The following SLC24A2 variants were observed in gnomAD, a reference collection of about 807,000 sequenced individuals.
SLC24A2 encodes the protein solute carrier family 24 member 2, also known as sodium/potassium/calcium exchanger 2.
A neutral mutation model predicts 62.0 loss-of-function variants in SLC24A2; 36 were observed. That is an observed-to-expected ratio of 0.58 (90% CI 0.44 to 0.77). SLC24A2 has a LOEUF of 0.77. Ranked by LOEUF, SLC24A2 falls within the 30% of genes least tolerant of loss-of-function variation. The pLI is 0.00. For missense variants in SLC24A2, 846 were observed against 817.9 expected, an observed-to-expected ratio of 1.03 and a Z score of -0.42; for synonymous variants, 358 against 294.0, an observed-to-expected ratio of 1.22 and a Z score of -2.23.
chr9:20,185,026 A>G, the SLC24A2 span, among the ~76,000 whole-genome samples: 2 of 152,188 alleles, frequency 1.3e-5, no homozygotes, highest in Non-Finnish European at 2.9e-5. Flanking sequence ...TCTCACTTAC[A>G]TATGAAATCT....
At chr9:20,286,607 A>T in the SLC24A2 span, among the ~76,000 whole-genome samples, 1 of 152,236 alleles carries the variant, frequency 6.6e-6, no homozygotes, top group African/African-American at 2.4e-5. Flanking sequence ...TCATTTTAGC[A>T]GAATAGAACT....
At chr9:20,211,436 C>T in the SLC24A2 span, among the ~76,000 whole-genome samples, 1 of 152,100 alleles carries the variant, frequency 6.6e-6, no homozygotes, top group South Asian at 2.1e-4. Flanking sequence ...TGCTTGAACC[C>T]AGGAGGCAGA....
chr9:19,815,477 T>G, the SLC24A2 span, among the ~76,000 whole-genome samples: 3 of 152,136 alleles, frequency 2.0e-5, no homozygotes, highest in African/African-American at 7.2e-5. Flanking sequence ...AGCACTTTAT[T>G]ACTGTTTTTG....
At chr9:20,107,088 T>C in the SLC24A2 span, among the ~76,000 whole-genome samples, 2 of 152,318 alleles carry the variant, frequency 1.3e-5, no homozygotes, top group East Asian at 3.9e-4. Flanking sequence ...TGAATTCCCA[T>C]TCACAATTGC....
chr9:19,517,325 T>A lies in SLC24A2; in HGVS notation c.1737-923A>T, dbSNP rs534106331. 2.0e-5 allele frequency among the ~76,000 whole-genome samples: 3 copies of A among 152,336 alleles called. No individual in the cohort carries two copies. The South Asian group carries it at 6.2e-4, about 32-fold the overall frequency. On this transcript the variant is annotated intron_variant, in intron 10 of 10. Coordinates refer to ENST00000341998, the MANE Select transcript of SLC24A2 (RefSeq NM_020344.4). The stretch of plus-strand genomic sequence containing the variant: ...GTGGCTAAGGAGATACCTGCTTGGC[T>A]AGCTGAGCTTTCTGAATGACAAAAG...
In SLC24A2 at chr9:19,598,977, T is replaced by C. The variant is rs555958065; in HGVS notation, c.1079-1698A>G. Reference sequence around the variant, plus strand: ...TACCATTTGCTCAGCAAACAGAATATGAGTGGCTCTGTGTTTGCAAAGTTG... The same window carrying C: ...TACCATTTGCTCAGCAAACAGAATACGAGTGGCTCTGTGTTTGCAAAGTTG... On this transcript the variant is annotated intron_variant, in intron 4 of 10. Coordinates refer to ENST00000341998, the MANE Select transcript of SLC24A2 (RefSeq NM_020344.4). Among the ~76,000 whole-genome samples, 20 of 152,334 alleles carry C rather than the reference T, an allele frequency of 1.3e-4. No individual in the cohort carries two copies. The East Asian group carries it at 2.9e-3, about 22-fold the overall frequency.
At chr9:19,582,833 A>G (rs1836247360) in intron 5 of SLC24A2, among the ~76,000 whole-genome samples, 3 of 152,056 alleles carry the variant, frequency 2.0e-5, no homozygotes, top group African/African-American at 7.2e-5. Context: ...CATGCCATCT[A>G]CCAGCAAATC....
At chr9:19,744,276 T>C (rs1293883840) in intron 2 of SLC24A2, among the ~76,000 whole-genome samples, 1 of 152,142 alleles carries the variant, frequency 6.6e-6, no homozygotes, top group Non-Finnish European at 1.5e-5. Flanking sequence ...CCTCACCATA[T>C]CTAGGGATGG....
chr9:20,014,717 C>G, the SLC24A2 span, among the ~76,000 whole-genome samples: 1 of 151,868 alleles, frequency 6.6e-6, no homozygotes, highest in Non-Finnish European at 1.5e-5. Context: ...TAATGGTTAC[C>G]AGAGGCTGGG....
chr9:20,229,650 T>C, the SLC24A2 span, among the ~76,000 whole-genome samples: 10 of 152,150 alleles, frequency 6.6e-5, no homozygotes, highest in Non-Finnish European at 1.2e-4. Context: ...AGGCTCTCAT[T>C]ATACTATTAC....
rs185164463 is a variant in SLC24A2 at position 19,574,541 on chromosome 9, G to C, written c.1229-1072C>G. Among the ~76,000 whole-genome samples the C allele has an allele frequency of 2.5e-3, 383 of 152,188 alleles. 4 individuals carry two copies. The highest frequency in any genetic ancestry group is 8.4e-3 in the African/African-American group (347 of 41,524). On this transcript the variant is annotated intron_variant, in intron 6 of 10. Transcript: ENST00000341998. The stretch of plus-strand genomic sequence containing the variant: ...TAACAATACTACTACTACTATTACT[G>C]TTGCTACTACTACCACTAACAACAA...
chr9:19,530,404 C>T (rs1189126151), intron 8 of SLC24A2, among the ~76,000 whole-genome samples: 1 of 152,104 alleles, frequency 6.6e-6, no homozygotes, highest in African/African-American at 2.4e-5. Flanking sequence ...GGCATAAGTA[C>T]TAGATGTCCT....
the SLC24A2 span, among the ~76,000 whole-genome samples, chr9:19,949,081 C>A: frequency 6.6e-6 from 1 of 151,890 alleles, no homozygotes; most frequent in Admixed American, 6.6e-5. Flanking sequence ...GCAACCTCTG[C>A]CCCCTGAGTT....
intron 5 of SLC24A2, among the ~76,000 whole-genome samples, chr9:19,579,463 C>T (rs1836138020): frequency 6.6e-6 from 1 of 152,108 alleles, no homozygotes; most frequent in Non-Finnish European, 1.5e-5. Context: ...TCTGGTTTTC[C>T]ACCCAGAAGA....
At chr9:20,002,131 T>C in the SLC24A2 span, among the ~76,000 whole-genome samples, 2 of 152,104 alleles carry the variant, frequency 1.3e-5, no homozygotes, top group Non-Finnish European at 2.9e-5. Context: ...TACCACCACC[T>C]CTGGTGCAGA....
chr9:19,866,818 G>A, the SLC24A2 span, among the ~76,000 whole-genome samples: 1 of 151,728 alleles, frequency 6.6e-6, no homozygotes, highest in Non-Finnish European at 1.5e-5. Context: ...TGTATTTTTA[G>A]TAGAGACGGG....
chr9:20,087,808 A>G, the SLC24A2 span, among the ~76,000 whole-genome samples: 4 of 151,728 alleles, frequency 2.6e-5, no homozygotes, highest in African/African-American at 4.8e-5. Context: ...ACTGGCATTC[A>G]TCAAGAAAAC....
the SLC24A2 span, among the ~76,000 whole-genome samples, chr9:20,287,288 C>T: frequency 6.6e-6 from 1 of 152,196 alleles, no homozygotes; most frequent in Non-Finnish European, 1.5e-5. Flanking sequence ...CCTAGGGAAT[C>T]TGGGAACCAG....
Position 19,579,893 on chromosome 9 carries a change from T to C in SLC24A2, c.1130-2871A>G, listed in dbSNP as rs1450567950. ...CTCTGCCAGGAAGCATCTTTCAGAATAGTGTTGGCCACTGGCACTCATGGG... is the reference window on the plus strand; with the variant it reads ...CTCTGCCAGGAAGCATCTTTCAGAACAGTGTTGGCCACTGGCACTCATGGG... On this transcript the variant is annotated intron_variant, in intron 5 of 10. Coordinates refer to ENST00000341998, the MANE Select transcript of SLC24A2 (RefSeq NM_020344.4). Among the ~76,000 whole-genome samples the C allele has an allele frequency of 2.0e-5, 3 of 152,200 alleles. No individual in the cohort carries two copies. In the East Asian group the frequency reaches 5.8e-4, roughly 29 times the overall value.
Sources: gnomAD v4.1 joint callset for allele counts (sites outside exome capture counted in the v4.1 genomes callset) on GRCh38, gnomAD v4.1.1 for gene constraint, MANE v1.5 for transcripts, NCBI Gene and HGNC (gene_info 2026-07-23, HGNC 2026-07-21) for gene names.